DPP10: variants seen among roughly 807,000 people sequenced by gnomAD.
DPP10 encodes the protein dipeptidyl peptidase like 10.
In DPP10, 33 loss-of-function variants were observed where a neutral mutation model predicts 120.9. That is an observed-to-expected ratio of 0.27 (90% CI 0.21 to 0.37). DPP10 has a LOEUF of 0.37. Ranked by LOEUF, DPP10 falls within the 10% of genes least tolerant of loss-of-function variation. The pLI, the probability that DPP10 is intolerant of heterozygous loss-of-function variation, is 1.00. For synonymous variants in DPP10, 337 were observed against 326.1 expected (o/e 1.03, Z -0.36); for missense variants, 816 against 942.8 (o/e 0.87, Z 1.76).
intron 9 of DPP10, among the ~76,000 whole-genome samples, chr2:115,742,248 A>T (rs537680938): frequency 6.6e-6 from 1 of 152,026 alleles, no homozygotes; most frequent in East Asian, 1.9e-4. Context: ...TCTCTATAAA[A>T]CTCCCACAGG....
rs1266578497 is a variant in DPP10, at chr2:115,000,525, TGG to T, written c.61-308713_61-308712del. ...AGGAATAAATTTGCATCTTTTACAT[TGG>T]TTCCTTTTGTCATTATTGTAAATAG... On this transcript the variant is annotated intron_variant, in intron 1 of 25. Transcript: ENST00000410059. Among the ~76,000 whole-genome samples the T allele has an allele frequency of 2.3e-3, 351 of 152,290 alleles. 8 individuals carry two copies. In the East Asian group the frequency reaches 0.056, roughly 24 times the overall value.
intron 1 of DPP10, among the ~76,000 whole-genome samples, chr2:115,058,520 C>T (rs1413406553): frequency 1.3e-5 from 2 of 152,154 alleles, no homozygotes; most frequent in East Asian, 3.9e-4. Flanking sequence ...ATGCCTCAGC[C>T]TCCTGAGTCG....
At chr2:115,247,830 A>G (rs1297657902) in intron 1 of DPP10, among the ~76,000 whole-genome samples, 3 of 152,168 alleles carry the variant, frequency 2.0e-5, no homozygotes, top group Non-Finnish European at 4.4e-5. Flanking sequence ...ATGCAAAGAC[A>G]ACACAACAAA....
chr2:114,643,753 GT>G (rs1286834124), intron 1 of DPP10, among the ~76,000 whole-genome samples: 2 of 151,412 alleles, frequency 1.3e-5, no homozygotes, highest in Non-Finnish European at 2.9e-5. Flanking sequence ...GTTCTAGTTT[GT>G]TTGTTTATTT....
Position 115,687,244 on chromosome 2 carries a change from T to G in DPP10, c.442-2443T>G, listed in dbSNP as rs376095920. On this transcript the variant is annotated intron_variant, in intron 5 of 25. Transcript: ENST00000410059. ...AAAGAGAGAAAGAGAGATAGAAATT[T>G]CTTCTTCCAACCTTGTTCAAGATTT... 2.1e-4 allele frequency among the ~76,000 whole-genome samples: 32 copies of G among 152,146 alleles called. No homozygotes were observed. The East Asian group carries it at 5.2e-3, about 25-fold the overall frequency.
chr2:114,549,431 G>C (rs1241966887), intron 1 of DPP10, among the ~76,000 whole-genome samples: 7 of 152,042 alleles, frequency 4.6e-5, no homozygotes, highest in Admixed American at 3.9e-4. Flanking sequence ...GGGATGCCAA[G>C]GTGGGCAGAT....
chr2:115,268,253 G>A (rs1339758009), intron 1 of DPP10, among the ~76,000 whole-genome samples: 2 of 152,070 alleles, frequency 1.3e-5, no homozygotes, highest in African/African-American at 4.8e-5. Flanking sequence ...GAATAGGTGG[G>A]CAGTAATAGC....
intron 21 of DPP10, among the ~76,000 whole-genome samples, chr2:115,828,806 C>G (rs1406261529): frequency 6.6e-6 from 1 of 152,016 alleles, no homozygotes; most frequent in Non-Finnish European, 1.5e-5. Flanking sequence ...GAATTGTAAA[C>G]TTTTAAATAA....
At chr2:115,794,303 T>C (rs1684307259) in intron 19 of DPP10, among the ~76,000 whole-genome samples, 1 of 152,182 alleles carries the variant, frequency 6.6e-6, no homozygotes, top group Non-Finnish European at 1.5e-5. Context: ...AGCGTCAGGC[T>C]GCAGCAAGCA....
At chr2:114,986,595 A>C (rs935778705) in intron 1 of DPP10, among the ~76,000 whole-genome samples, 1 of 152,222 alleles carries the variant, frequency 6.6e-6, no homozygotes, top group South Asian at 2.1e-4. Context: ...TATTTAATGA[A>C]CATGAATTCA....
At chr2:115,830,159 C>T (rs1688771197) in intron 21 of DPP10, among the ~76,000 whole-genome samples, 1 of 151,934 alleles carries the variant, frequency 6.6e-6, no homozygotes, top group Non-Finnish European at 1.5e-5. Flanking sequence ...AGTTCGAGAA[C>T]AGCCTGGCCA....
intron 2 of DPP10, among the ~76,000 whole-genome samples, chr2:115,334,230 G>GTTTGTTTTTTT (rs1553554650): frequency 3.5e-5 from 2 of 56,412 alleles, no homozygotes; most frequent in African/African-American, 4.9e-5. Flanking sequence ...AGCAGACTCT[G>GTTTGTTTTTTT]TTTTTTTTTT....
At chr2:115,425,724 A>G (rs961217242) in intron 3 of DPP10, among the ~76,000 whole-genome samples, 4 of 152,204 alleles carry the variant, frequency 2.6e-5, no homozygotes, top group Admixed American at 6.5e-5. Flanking sequence ...TTGCATTGCT[A>G]TAAAGAAATA....
At chr2:115,304,772 A>G (rs1574359268) in intron 1 of DPP10, among the ~76,000 whole-genome samples, 1 of 152,096 alleles carries the variant, frequency 6.6e-6, no homozygotes, top group East Asian at 1.9e-4. Context: ...TATTTTGCCA[A>G]ATAAAATGGT....
At chr2:114,947,181 T>C (rs1697427640) in intron 1 of DPP10, among the ~76,000 whole-genome samples, 1 of 152,086 alleles carries the variant, frequency 6.6e-6, no homozygotes, top group Non-Finnish European at 1.5e-5. Context: ...TGCTGCTTCA[T>C]ATATTTTGAG....
chr2:115,152,664 G>A (rs1031150978), intron 1 of DPP10, among the ~76,000 whole-genome samples: 2 of 152,092 alleles, frequency 1.3e-5, no homozygotes, highest in African/African-American at 4.8e-5. Flanking sequence ...TGTCTATTCA[G>A]TTCAATTTTG....
intron 3 of DPP10, among the ~76,000 whole-genome samples, chr2:115,373,685 T>C (rs1210172435): frequency 2.6e-5 from 4 of 152,024 alleles, no homozygotes; most frequent in African/African-American, 9.7e-5. Context: ...TTTATCCTTT[T>C]GCAATTTACT....
chr2:115,280,001 T>C (rs1224740958), intron 1 of DPP10, among the ~76,000 whole-genome samples: 1 of 152,148 alleles, frequency 6.6e-6, no homozygotes, highest in Non-Finnish European at 1.5e-5. Context: ...TACACTGTTA[T>C]GCCCAGTGGG....
chr2:115,532,427 G>A (rs1266899311), intron 5 of DPP10, among the ~76,000 whole-genome samples: 2 of 151,908 alleles, frequency 1.3e-5, no homozygotes, highest in Non-Finnish European at 2.9e-5. Flanking sequence ...CAGATTAACT[G>A]TGTATTTTCC....
Sources: gnomAD v4.1 joint callset for allele counts (sites outside exome capture counted in the v4.1 genomes callset) on GRCh38, gnomAD v4.1.1 for gene constraint, MANE v1.5 for transcripts, NCBI Gene and HGNC (gene_info 2026-07-23, HGNC 2026-07-21) for gene names.